Variants in MTAP observed in about 807,000 individuals in gnomAD.
MTAP encodes S-methyl-5'-thioadenosine phosphorylase.
Under a neutral mutation model 33.6 loss-of-function variants are expected in MTAP, and 33 were observed. The ratio of observed to expected loss-of-function variants is 0.98; its 90% CI spans 0.74 to 1.31. MTAP has a LOEUF of 1.31. Among genes scored for constraint, MTAP ranks in the 40% most tolerant of loss-of-function variants. The pLI, the probability that MTAP is intolerant of heterozygous loss-of-function variation, is 0.00. For synonymous variants in MTAP, 148 were observed against 125.7 expected, an observed-to-expected ratio of 1.18 and a Z score of -1.19; for missense variants, 367 against 360.0, an observed-to-expected ratio of 1.02 and a Z score of -0.16.
intron 5 of MTAP, among the ~76,000 whole-genome samples, chr9:21,839,019 A>C (rs150677622): frequency 7.5e-4 from 114 of 152,334 alleles, no homozygotes; most frequent in African/African-American, 2.6e-3. Context: ...GTTAACAGCA[A>C]GGGCACCTAA....
intron 5 of MTAP, among the ~76,000 whole-genome samples, chr9:21,840,029 A>G (rs959069592): frequency 2.0e-5 from 3 of 152,216 alleles, no homozygotes; most frequent in African/African-American, 7.2e-5. Flanking sequence ...GATCAAGAAC[A>G]TTCTGGCTAA....
intron 1 of MTAP, among the ~76,000 whole-genome samples, chr9:21,913,762 G>C (rs1472336363): frequency 3.9e-5 from 6 of 152,130 alleles, no homozygotes; most frequent in Admixed American, 3.3e-4. Context: ...GGCAACAAAA[G>C]CCAAAATTGA....
intron 1 of MTAP, among the ~76,000 whole-genome samples, chr9:21,894,830 C>T (rs1818263277): frequency 6.6e-6 from 1 of 151,634 alleles, no homozygotes; most frequent in South Asian, 2.1e-4. Flanking sequence ...ACTTCAGCAA[C>T]ATTTTAGGGT....
chr9:21,806,829 G>A (rs1824220250), intron 1 of MTAP, among the ~76,000 whole-genome samples: 1 of 152,070 alleles, frequency 6.6e-6, no homozygotes, highest in Non-Finnish European at 1.5e-5. Flanking sequence ...GTGTACCATG[G>A]CTCCCCTGGG....
chr9:21,821,811 G>A (rs1330904179), intron 4 of MTAP, among the ~76,000 whole-genome samples: 2 of 152,176 alleles, frequency 1.3e-5, no homozygotes, highest in African/African-American at 4.8e-5. Context: ...GAGCCTGTTT[G>A]TTATTGGTCT....
downstream of MTAP, chr9:21,933,305 G>T (rs1186232986): frequency 6.6e-6 from 1 of 152,182 alleles, no homozygotes; most frequent in Non-Finnish European, 1.5e-5. Context: ...CTTTGTAAGA[G>T]AAATTTATAT....
At chr9:21,923,948 G>A (rs1203662833) in intron 1 of MTAP, among the ~76,000 whole-genome samples, 1 of 152,204 alleles carries the variant, frequency 6.6e-6, no homozygotes, top group East Asian at 1.9e-4. Context: ...GAGAGATAAA[G>A]GCTGGTCACA....
At chr9:21,813,647 C>T (rs1824405952) in intron 1 of MTAP, 1 of 152,254 alleles carries the variant, frequency 6.6e-6, no homozygotes. Flanking sequence ...TGCCCTGGCT[C>T]AGGGAACACC....
In MTAP at chr9:21,816,776, T is replaced by C; in HGVS notation, c.179+4T>C. On this transcript the variant is annotated splice_donor_region_variant and intron_variant, in intron 3 of 7. Transcript: ENST00000644715. ...TTGATTGCGTCCTCCTTGCAAGGTA[T>C]GGTATTTTAAGCTTTTTGGATGTTA... 6.2e-7 allele frequency: 1 copy of C among 1,607,840 alleles called. No individual in the cohort carries two copies. Among genetic ancestry groups the C allele is most frequent in the South Asian group, 1.1e-5 (1 of 89,586 alleles).
chr9:21,869,111 C>CT (rs1825897560), downstream of MTAP, among the ~76,000 whole-genome samples: 1 of 152,134 alleles, frequency 6.6e-6, no homozygotes, highest in Non-Finnish European at 1.5e-5. Flanking sequence ...CACAAATATA[C>CT]TTTATTTCTC....
chr9:21,873,689 C>G (rs1825967395), intron 1 of MTAP, among the ~76,000 whole-genome samples: 1 of 146,736 alleles, frequency 6.8e-6, no homozygotes. Context: ...TATAGCCACC[C>G]AAAAGGACTA....
chr9:21,821,627 A>T (rs567227879), intron 4 of MTAP, among the ~76,000 whole-genome samples: 30 of 152,288 alleles, frequency 2.0e-4, no homozygotes, highest in African/African-American at 5.5e-4. Flanking sequence ...TATCAGGATG[A>T]TGCTGGCCTC....
At chr9:21,914,642 T>TGGGGGG (rs1818643636) in intron 1 of MTAP, among the ~76,000 whole-genome samples, 1 of 26,360 alleles carries the variant, frequency 3.8e-5, no homozygotes, top group Non-Finnish European at 7.4e-5. Context: ...GGGGTGGGGG[T>TGGGGGG]GGGGGGAGGG....
intron 1 of MTAP, among the ~76,000 whole-genome samples, chr9:21,882,423 C>A (rs577678886): frequency 6.6e-6 from 1 of 151,914 alleles, no homozygotes; most frequent in East Asian, 1.9e-4. Context: ...GAAAAACATC[C>A]TGTGTTTATT....
At chr9:21,856,828 A>T (rs1318698785) in intron 6 of MTAP, among the ~76,000 whole-genome samples, 1 of 152,216 alleles carries the variant, frequency 6.6e-6, no homozygotes, top group Non-Finnish European at 1.5e-5. Context: ...CTCTAAACCC[A>T]TCTTCAGATT....
intron 1 of MTAP, among the ~76,000 whole-genome samples, chr9:21,924,027 C>G (rs918440630): frequency 1.3e-5 from 2 of 152,066 alleles, no homozygotes; most frequent in Non-Finnish European, 2.9e-5. Context: ...CCTGGTAAGA[C>G]CGGTTTATTC....
chr9:21,870,309 G>A (rs1049508515), downstream of MTAP, among the ~76,000 whole-genome samples: 4 of 152,092 alleles, frequency 2.6e-5, no homozygotes, highest in South Asian at 4.2e-4. Context: ...TTATTGTTTT[G>A]TAACTCCCAA....
chr9:21,915,000 TTTCC>T (rs367599453), intron 1 of MTAP, among the ~76,000 whole-genome samples: 12,306 of 83,888 alleles, frequency 0.15, 1,435 homozygotes, highest in Middle Eastern at 0.24. Context: ...CTTTGTTTTC[TTTCC>T]TTCCTTCCTT....
chr9:21,827,510 C>G (rs1040360772), intron 4 of MTAP, among the ~76,000 whole-genome samples: 1 of 152,192 alleles, frequency 6.6e-6, no homozygotes, highest in African/African-American at 2.4e-5. Flanking sequence ...TCAGCAGTTT[C>G]ATGTGGTTCA....
Sources: allele counts gnomAD v4.1 joint callset (sites outside exome capture counted in the v4.1 genomes callset), GRCh38; gene constraint gnomAD v4.1.1; transcripts MANE v1.5; gene names NCBI Gene and HGNC (gene_info 2026-07-23, HGNC 2026-07-21).